The following ASH1L variants were observed in gnomAD, a reference collection of about 807,000 sequenced individuals.
The protein encoded by ASH1L is histone-lysine N-methyltransferase ASH1L.
ASH1L carries 23 observed loss-of-function variants against 269.0 expected under a neutral mutation model. The observed-to-expected ratio is 0.09, with a 90% confidence interval of 0.06 to 0.12. ASH1L has a LOEUF of 0.12. ASH1L is among the 10% of genes least tolerant of loss of function. ASH1L has a pLI of 1.00. For missense variants in ASH1L, 2,912 were observed against 3,567.8 expected (o/e 0.82, Z 4.68); for synonymous variants, 1,187 against 1,253.5 (o/e 0.95, Z 1.12).
intron 7 of ASH1L, among the ~76,000 whole-genome samples, chr1:155,380,802 TA>T (rs1656871294): frequency 6.9e-6 from 1 of 145,556 alleles, no homozygotes; most frequent in African/African-American, 2.5e-5. Flanking sequence ...AGCTAATTTG[TA>T]TTTTTTTTTT....
At position 155,354,556 on chromosome 1, in the gene ASH1L, T is replaced by C; in HGVS notation, c.7130A>G (p.Lys2377Arg). The change falls in exon 16 of 28, where the codon AAG (lysine) becomes AGG (arginine). Residue 2377 changes from lysine to arginine, a missense_variant. Lys to Arg is a conservative substitution (Grantham distance 26). This residue lies in a region of ASH1L where 309 missense variants were observed against 435.1 expected (regional missense o/e 0.71). Transcript: ENST00000392403. ...EKIRQKQEEV[K>R]HTSDNIHSAS... The stretch of plus-strand genomic sequence containing the variant: ...TGAGTGAATATTATCACTGGTGTGC[T>C]TTACTTCCTCCTGTTTTTGACGAAT... 8.7e-6 allele frequency: 14 copies of C among 1,614,082 alleles called. No individual in the cohort carries two copies. Among genetic ancestry groups the C allele is most frequent in the Non-Finnish European group, 1.2e-5 (14 of 1,179,984 alleles).
chr1:155,341,812 T>C, intron 25 of ASH1L, 124 bp downstream of exon 25: 1 of 952,150 alleles, frequency 1.1e-6, no homozygotes, highest in Non-Finnish European at 1.6e-6. Context: ...GACAGAGATA[T>C]CCATAGTTTG....
intron 5 of ASH1L, among the ~76,000 whole-genome samples, chr1:155,426,656 C>T (rs1053766810): frequency 3.9e-5 from 6 of 152,124 alleles, no homozygotes. Flanking sequence ...TTTCTGCAAA[C>T]AATAAAATGG....
chr1:155,498,624 C>T (rs927938020), intron 2 of ASH1L, among the ~76,000 whole-genome samples: 1 of 151,746 alleles, frequency 6.6e-6, no homozygotes, highest in East Asian at 1.9e-4. Flanking sequence ...TAGTTTTAGT[C>T]GAGATGGGGT....
intron 16 of ASH1L, among the ~76,000 whole-genome samples, chr1:155,353,119 G>T (rs532387348): frequency 2.0e-5 from 3 of 152,206 alleles, no homozygotes; most frequent in African/African-American, 7.2e-5. Flanking sequence ...GCTTCAAAAT[G>T]AATCTATCAG....
chr1:155,522,053 T>A (rs1015507964), intron 1 of ASH1L, among the ~76,000 whole-genome samples: 1 of 152,236 alleles, frequency 6.6e-6, no homozygotes, highest in Non-Finnish European at 1.5e-5. Flanking sequence ...CTCCATTGAC[T>A]ATGTGATTAT....
intron 10 of ASH1L, among the ~76,000 whole-genome samples, chr1:155,377,588 C>A (rs57176559): frequency 0.035 from 5,331 of 151,954 alleles, 321 homozygotes; most frequent in African/African-American, 0.12. Flanking sequence ...CAAAACAAAA[C>A]AAAAACCCCA....
At chr1:155,379,317 AAG>A (rs1656738377) in intron 8 of ASH1L, among the ~76,000 whole-genome samples, 1 of 152,222 alleles carries the variant, frequency 6.6e-6, no homozygotes, top group African/African-American at 2.4e-5. Context: ...CTCAGAATTC[AAG>A]AGAGGCCATT....
chr1:155,433,427 C>T (rs1182783904), intron 5 of ASH1L: 10 of 1,608,384 alleles, frequency 6.2e-6, no homozygotes, highest in African/African-American at 4.0e-5. Flanking sequence ...GGTTGGAGTG[C>T]GGCTAGTGCC....
At chr1:155,382,667 A>G (rs1243842410) in intron 7 of ASH1L, among the ~76,000 whole-genome samples, 4 of 152,026 alleles carry the variant, frequency 2.6e-5, no homozygotes, top group Non-Finnish European at 4.4e-5. Flanking sequence ...CAGCGAGAAA[A>G]CAGTGATATT....
At chr1:155,410,244 A>G (rs1397215319) in intron 6 of ASH1L, among the ~76,000 whole-genome samples, 1 of 152,062 alleles carries the variant, frequency 6.6e-6, no homozygotes, top group Non-Finnish European at 1.5e-5. Flanking sequence ...TGCTCACTTC[A>G]GTCTCACAAG....
chr1:155,433,413 C>T (rs1661774739), intron 5 of ASH1L: 4 of 1,607,758 alleles, frequency 2.5e-6, no homozygotes, highest in Non-Finnish European at 2.5e-6. Flanking sequence ...TACTGTGGGC[C>T]TCAGGTTGGA....
intron 2 of ASH1L, among the ~76,000 whole-genome samples, chr1:155,491,326 G>A (rs901986667): frequency 9.2e-5 from 14 of 151,770 alleles, no homozygotes; most frequent in African/African-American, 1.7e-4. Flanking sequence ...GGTCTTGAAC[G>A]CCTGGCCTCA....
intron 3 of ASH1L, among the ~76,000 whole-genome samples, chr1:155,466,933 T>A (rs1460110259): frequency 6.6e-6 from 1 of 152,140 alleles, no homozygotes; most frequent in Non-Finnish European, 1.5e-5. Flanking sequence ...TCAATCTATA[T>A]GCTTGTACAG....
At chr1:155,539,811 C>A (rs1670301533) in intron 1 of ASH1L, among the ~76,000 whole-genome samples, 1 of 151,728 alleles carries the variant, frequency 6.6e-6, no homozygotes, top group Non-Finnish European at 1.5e-5. Flanking sequence ...GCAGGAAGAT[C>A]GCTTGAGGCC....
At chr1:155,344,596 C>T (rs931546063) in intron 21 of ASH1L, 1 of 200,098 alleles carries the variant, frequency 5.0e-6, no homozygotes, top group African/African-American at 2.3e-5. Context: ...TATTTAATGC[C>T]CAGGGTCCAA....
intron 4 of ASH1L, among the ~76,000 whole-genome samples, chr1:155,449,882 T>C (rs1176122802): frequency 1.3e-5 from 2 of 152,188 alleles, no homozygotes; most frequent in East Asian, 1.9e-4. Flanking sequence ...ACTCCTTTGG[T>C]AGATCCATGT....
intron 3 of ASH1L, among the ~76,000 whole-genome samples, chr1:155,472,973 A>T (rs1328643036): frequency 6.6e-6 from 1 of 152,136 alleles, no homozygotes. Context: ...TACTCTCATG[A>T]TTATACATAT....
intron 10 of ASH1L, among the ~76,000 whole-genome samples, chr1:155,371,750 T>C (rs377579313): frequency 3.3e-5 from 5 of 150,280 alleles, no homozygotes; most frequent in Admixed American, 1.3e-4. Context: ...CTGGAGTATA[T>C]TGGCACAATC....
Sources: allele counts gnomAD v4.1 joint callset (sites outside exome capture counted in the v4.1 genomes callset), GRCh38; gene constraint gnomAD v4.1.1; regional missense constraint gnomAD v4.1.1; transcripts MANE v1.5; gene names NCBI Gene and HGNC (gene_info 2026-07-23, HGNC 2026-07-21).